Variants in TJP2 observed in about 807,000 individuals in gnomAD.
TJP2 encodes the protein tight junction protein 2, also known as Friedreich ataxia region gene X104 (tight junction protein ZO-2).
In TJP2, 91 loss-of-function variants were observed where a neutral mutation model predicts 133.1. The ratio of observed to expected loss-of-function variants is 0.68; its 90% CI spans 0.58 to 0.81. TJP2 has a LOEUF of 0.81. Ranked by LOEUF, TJP2 falls within the 40% of genes least tolerant of loss-of-function variation. The pLI, the probability that TJP2 is intolerant of heterozygous loss-of-function variation, is 0.00. For synonymous variants in TJP2, 592 were observed against 583.4 expected, an observed-to-expected ratio of 1.01 and a Z score of -0.21; for missense variants, 1,541 against 1,565.6, an observed-to-expected ratio of 0.98 and a Z score of 0.26.
At chr9:69,176,208 G>T (rs1239199221) in intron 1 of TJP2, among the ~76,000 whole-genome samples, 1 of 152,150 alleles carries the variant, frequency 6.6e-6, no homozygotes, top group Non-Finnish European at 1.5e-5. Context: ...TACCTCACCC[G>T]AGCAAGCCAC....
At chr9:69,204,842 T>A in intron 1 of TJP2, 2 of 1,110,360 alleles carry the variant, frequency 1.8e-6, no homozygotes, top group Non-Finnish European at 2.2e-6. Flanking sequence ...TCTGTCAACT[T>A]AGATGCTGAA....
intron 12 of TJP2, among the ~76,000 whole-genome samples, chr9:69,235,707 G>A (rs1332717659): frequency 6.6e-6 from 1 of 152,144 alleles, no homozygotes; most frequent in Non-Finnish European, 1.5e-5. Context: ...GCATTGGGGA[G>A]GGCGATCTTC....
intron 1 of TJP2, among the ~76,000 whole-genome samples, chr9:69,201,269 C>A (rs4745691): frequency 0.51 from 77,742 of 152,040 alleles, 20,357 homozygotes; most frequent in East Asian, 0.63. Context: ...TAGCTGTCCA[C>A]CACAAAATGT....
intron 2 of TJP2, among the ~76,000 whole-genome samples, chr9:69,213,783 A>C (rs1220148956): frequency 6.6e-6 from 1 of 152,100 alleles, no homozygotes; most frequent in Non-Finnish European, 1.5e-5. Context: ...TGGACCCAAA[A>C]TTGGCAGAGG....
At chr9:69,203,936 C>T (rs1256249631) in intron 1 of TJP2, among the ~76,000 whole-genome samples, 1 of 152,050 alleles carries the variant, frequency 6.6e-6, no homozygotes, top group Admixed American at 6.6e-5. Flanking sequence ...GAAACATAAA[C>T]TTGTATTCAT....
At chr9:69,240,228 C>A in intron 17 of TJP2, 81 bp downstream of exon 17, 1 of 1,321,836 alleles carries the variant, frequency 7.6e-7, no homozygotes. Flanking sequence ...ATTAATTAAT[C>A]TGAATGGAGA....
At chr9:69,160,186 C>G (rs1403654553) in intron 2 of TJP2, among the ~76,000 whole-genome samples, 1 of 152,132 alleles carries the variant, frequency 6.6e-6, no homozygotes, top group Non-Finnish European at 1.5e-5. Context: ...ACTTCTGAAT[C>G]TTTTGGAAAT....
chr9:69,212,619 C>A lies in TJP2; in HGVS notation c.114+18C>A. 6.3e-7 allele frequency: 1 copy of A among 1,586,428 alleles called. No homozygotes were observed. The highest frequency in any genetic ancestry group is 8.7e-7 in the Non-Finnish European group (1 of 1,155,158). ...TACAAAAGGTGAGTTCTGCACATTTCATATATTCTACAGTCATGTTCTTGA... is the reference window on the plus strand; with the variant it reads ...TACAAAAGGTGAGTTCTGCACATTTAATATATTCTACAGTCATGTTCTTGA... On this transcript the variant is annotated intron_variant, in intron 2 of 22. Transcript: ENST00000377245.
chr9:69,201,044 T>C (rs1289079373), intron 1 of TJP2, among the ~76,000 whole-genome samples: 2 of 152,208 alleles, frequency 1.3e-5, no homozygotes, highest in Non-Finnish European at 2.9e-5. Flanking sequence ...AATGAGCCTC[T>C]TGGTGGGCTC....
Position 69,221,102 on chromosome 9 carries a change from C to T in TJP2, c.558C>T (p.Ser186=), listed in dbSNP as rs1450600283. 6.3e-7 allele frequency: 1 copy of T among 1,583,490 alleles called. No homozygotes were observed. Among genetic ancestry groups the T allele is most frequent in the East Asian group, 2.3e-5 (1 of 43,144 alleles). The change falls in exon 5 of 23, where the codon AGC becomes AGT. Residue 186 remains serine, a synonymous_variant. Transcript: ENST00000377245. Reference sequence around the variant, plus strand: ...GGCGTCCCCATGAGCGGGCCCGGAGCCGGGAGCGGGACCTCAGCCGGGACC... The same window carrying T: ...GGCGTCCCCATGAGCGGGCCCGGAGTCGGGAGCGGGACCTCAGCCGGGACC... The part of the protein sequence containing the change: ...ERGRPHERAR[S]RERDLSRDRS...
intron 5 of TJP2, among the ~76,000 whole-genome samples, chr9:69,222,559 C>T (rs1322539491): frequency 6.6e-6 from 1 of 152,204 alleles, no homozygotes; most frequent in Admixed American, 6.5e-5. Flanking sequence ...AGAACTACCT[C>T]ATGAGGGAGG....
intron 1 of TJP2, among the ~76,000 whole-genome samples, chr9:69,134,052 A>G (rs1191430168): frequency 1.3e-5 from 2 of 152,084 alleles, no homozygotes; most frequent in African/African-American, 4.8e-5. Flanking sequence ...ATGGTCACTC[A>G]CATCCGTATT....
intron 1 of TJP2, among the ~76,000 whole-genome samples, chr9:69,147,027 T>C (rs1444569988): frequency 1.3e-5 from 2 of 152,196 alleles, no homozygotes; most frequent in East Asian, 1.9e-4. Flanking sequence ...TCTACTGTTA[T>C]TGTCTTGAAA....
intron 1 of TJP2, among the ~76,000 whole-genome samples, chr9:69,185,810 A>C (rs1166902044): frequency 6.6e-6 from 1 of 151,728 alleles, no homozygotes; most frequent in Non-Finnish European, 1.5e-5. Flanking sequence ...ACTGTAGTCT[A>C]CCAAAACAGC....
intron 2 of TJP2, among the ~76,000 whole-genome samples, chr9:69,161,032 AC>A (rs1444359004): frequency 6.6e-6 from 1 of 152,218 alleles, no homozygotes; most frequent in Non-Finnish European, 1.5e-5. Flanking sequence ...TGAGAGATCC[AC>A]ACTTCTGGAA....
intron 4 of TJP2, among the ~76,000 whole-genome samples, chr9:69,220,402 C>T (rs975885370): frequency 2.0e-5 from 3 of 152,166 alleles, no homozygotes; most frequent in African/African-American, 4.8e-5. Flanking sequence ...AGATTATTTT[C>T]TTCCAGCTAT....
At chr9:69,210,129 A>T (rs1827756897) in intron 1 of TJP2, among the ~76,000 whole-genome samples, 1 of 151,878 alleles carries the variant, frequency 6.6e-6, no homozygotes, top group African/African-American at 2.4e-5. Context: ...TCTACCAAAA[A>T]TACAAAAAAA....
intron 1 of TJP2, among the ~76,000 whole-genome samples, chr9:69,191,741 AT>A (rs368277121): frequency 1.9e-4 from 29 of 149,940 alleles, no homozygotes; most frequent in African/African-American, 5.1e-4. Flanking sequence ...CATTTTTAAA[AT>A]TTTTTTTTTT....
upstream of TJP2, among the ~76,000 whole-genome samples, chr9:69,173,495 G>A (rs566189624): frequency 6.6e-6 from 1 of 152,314 alleles, no homozygotes; most frequent in Admixed American, 6.5e-5. Flanking sequence ...GATGGGAGAG[G>A]AGTTTCAATC....
Sources: allele counts gnomAD v4.1 joint callset (sites outside exome capture counted in the v4.1 genomes callset), GRCh38; gene constraint gnomAD v4.1.1; transcripts MANE v1.5; gene names NCBI Gene and HGNC (gene_info 2026-07-23, HGNC 2026-07-21).